PPP1R21: variants seen among roughly 807,000 people sequenced by gnomAD.
PPP1R21 encodes the protein KLRAQ motif containing 1.
PPP1R21 carries 85 observed loss-of-function variants against 112.8 expected under a neutral mutation model. The ratio of observed to expected loss-of-function variants is 0.75; its 90% CI spans 0.63 to 0.90. PPP1R21 has a LOEUF of 0.90. Among genes scored for constraint, PPP1R21 ranks in the 40% least tolerant of loss-of-function variants. The probability of loss-of-function intolerance (pLI) is 0.00; values close to 1 mark genes in which losing one functional copy is unlikely to be tolerated. For synonymous variants in PPP1R21, 381 were observed against 322.3 expected (o/e 1.18, Z -1.95); for missense variants, 1,199 against 901.5 (o/e 1.33, Z -4.23).
intron 17 of PPP1R21, 102 bp downstream of exon 17, chr2:48,498,837 A>C: frequency 8.5e-7 from 1 of 1,171,314 alleles, no homozygotes; most frequent in Non-Finnish European, 1.2e-6. Context: ...TCAGGCTGCT[A>C]TATCAAAATA....
chr2:48,442,807 A>G (rs931524693), intron 1 of PPP1R21, among the ~76,000 whole-genome samples: 5 of 152,152 alleles, frequency 3.3e-5, no homozygotes, highest in Non-Finnish European at 5.9e-5. Context: ...GAAATGAGGT[A>G]GGAGAGATAA....
At chr2:48,492,039 G>T (rs565380583) in intron 15 of PPP1R21, among the ~76,000 whole-genome samples, 1 of 152,270 alleles carries the variant, frequency 6.6e-6, no homozygotes, top group South Asian at 2.1e-4. Context: ...GTTGTTGCCT[G>T]TTTTTCACTG....
At chr2:48,469,426 T>TAGAGAG (rs368116163) in intron 9 of PPP1R21, among the ~76,000 whole-genome samples, 1 of 104,374 alleles carries the variant, frequency 9.6e-6, no homozygotes, top group African/African-American at 3.6e-5. Context: ...CATATATATA[T>TAGAGAG]AGAGCATATA....
chr2:48,469,521 T>TAGAGAGAGAGAGC (rs1368226178), intron 9 of PPP1R21, among the ~76,000 whole-genome samples: 1 of 107,120 alleles, frequency 9.3e-6, no homozygotes, highest in Non-Finnish European at 1.9e-5. Flanking sequence ...TATATATATA[T>TAGAGAGAGAGAGC]ATATATATAT....
chr2:48,498,365 G>A (rs1404174935), intron 16 of PPP1R21, 128 bp from the exon 17 acceptor site: 5 of 846,330 alleles, frequency 5.9e-6, no homozygotes, highest in Non-Finnish European at 9.1e-6. Context: ...CTATTCGAGG[G>A]TCAAACTTTA....
At chr2:48,495,902 C>T in intron 16 of PPP1R21, 131 bp downstream of exon 16, 2 of 585,774 alleles carry the variant, frequency 3.4e-6, no homozygotes, top group Non-Finnish European at 6.1e-6. Context: ...TTGTTTAATA[C>T]ATACTAAAAA....
chr2:48,464,816 G>A, intron 7 of PPP1R21, 121 bp from the exon 8 acceptor site: 1 of 646,458 alleles, frequency 1.5e-6, no homozygotes, highest in Non-Finnish European at 2.6e-6. Context: ...CTGTATTGTT[G>A]ATCATTTTAA....
chr2:48,493,220 T>C (rs1669652587), intron 15 of PPP1R21, among the ~76,000 whole-genome samples: 1 of 152,068 alleles, frequency 6.6e-6, no homozygotes, highest in South Asian at 2.1e-4. Context: ...TTAGCCAGGA[T>C]GGTCTTGATC....
chr2:48,445,718 G>A (rs1017666805), intron 1 of PPP1R21, among the ~76,000 whole-genome samples: 21 of 152,300 alleles, frequency 1.4e-4, no homozygotes, highest in African/African-American at 4.6e-4. Flanking sequence ...ATGGGAGCAG[G>A]AGCAGGAGAA....
intron 17 of PPP1R21, among the ~76,000 whole-genome samples, chr2:48,500,245 T>C (rs1248928184): frequency 6.6e-6 from 1 of 152,124 alleles, no homozygotes; most frequent in Non-Finnish European, 1.5e-5. Flanking sequence ...TAGAGATGGA[T>C]TTCAGTGTAC....
chr2:48,498,443 A>T (rs1669949031), intron 16 of PPP1R21, 50 bp from the exon 17 acceptor site: 1 of 1,594,948 alleles, frequency 6.3e-7, no homozygotes, highest in Non-Finnish European at 8.6e-7. Flanking sequence ...TGGGCCACTA[A>T]GGTTTATCTG....
chr2:48,460,868 T>C (rs1667946820), intron 6 of PPP1R21, among the ~76,000 whole-genome samples: 1 of 152,244 alleles, frequency 6.6e-6, no homozygotes, highest in Non-Finnish European at 1.5e-5. Context: ...TACTTTGAGC[T>C]TGGGGAAATA....
At chr2:48,449,123 T>G (rs1169165412) in intron 1 of PPP1R21, among the ~76,000 whole-genome samples, 1 of 152,150 alleles carries the variant, frequency 6.6e-6, no homozygotes, top group African/African-American at 2.4e-5. Context: ...AGAGAACATA[T>G]CTTTTACATC....
intron 16 of PPP1R21, among the ~76,000 whole-genome samples, chr2:48,496,899 G>C (rs546962097): frequency 3.9e-5 from 6 of 152,334 alleles, no homozygotes; most frequent in Non-Finnish European, 7.3e-5. Flanking sequence ...AGAGGCTCTT[G>C]GAGGGTGGCA....
chr2:48,448,323 A>G (rs188078729), intron 1 of PPP1R21, among the ~76,000 whole-genome samples: 28 of 152,376 alleles, frequency 1.8e-4, no homozygotes, highest in African/African-American at 5.8e-4. Context: ...CCTAACAGCA[A>G]TAGCTTGAAA....
At chr2:48,468,822 A>AT (rs1233158769) in intron 9 of PPP1R21, among the ~76,000 whole-genome samples, 1 of 89,894 alleles carries the variant, frequency 1.1e-5, no homozygotes, top group African/African-American at 4.2e-5. Context: ...CTCAAGAAAA[A>AT]AAATGTATGT....
At chr2:48,501,435 C>G (rs186403354) in intron 17 of PPP1R21, among the ~76,000 whole-genome samples, 9 of 152,272 alleles carry the variant, frequency 5.9e-5, no homozygotes, top group African/African-American at 2.2e-4. Context: ...GGTCTAAGGA[C>G]TTTCCAAAGT....
rs1042565005 is a variant in PPP1R21, at chr2:48,440,838, C to T, written c.-116C>T. Reference sequence around the variant, plus strand: ...GCGGCGGCGGCGGCGGCGGCGGCTGCGGTGGCCAAGCAGGCAGATACTGCC... The same window carrying T: ...GCGGCGGCGGCGGCGGCGGCGGCTGTGGTGGCCAAGCAGGCAGATACTGCC... On this transcript the variant is annotated 5_prime_UTR_variant, in exon 1 of 22. Coordinates refer to ENST00000294952, the MANE Select transcript of PPP1R21 (RefSeq NM_001135629.3). 10 of 688,338 alleles carry T rather than the reference C, an allele frequency of 1.5e-5. No homozygotes were observed. The highest frequency in any genetic ancestry group is 5.9e-5 in the African/African-American group (3 of 51,270). The allele number at this position is 688,338 out of a possible 1,614,324, so 42.6% of individuals were successfully genotyped here.
chr2:48,477,341 G>A (rs1001524582), intron 12 of PPP1R21, among the ~76,000 whole-genome samples: 5 of 151,890 alleles, frequency 3.3e-5, no homozygotes, highest in East Asian at 1.9e-4. Flanking sequence ...GGCTGGTCTC[G>A]AACTCCTAGC....
Sources: allele counts gnomAD v4.1 joint callset (sites outside exome capture counted in the v4.1 genomes callset), GRCh38; gene constraint gnomAD v4.1.1; transcripts MANE v1.5; gene names NCBI Gene and HGNC (gene_info 2026-07-23, HGNC 2026-07-21).